Variants in PHF24 observed in about 807,000 individuals in gnomAD.
PHF24 encodes the protein Galpha inhibitory interacting protein.
In PHF24, 25 loss-of-function variants were observed where a neutral mutation model predicts 42.6. The ratio of observed to expected loss-of-function variants is 0.59; its 90% CI spans 0.43 to 0.82. PHF24 has a LOEUF of 0.82. PHF24 is among the 40% of genes least tolerant of loss of function. PHF24 has a pLI of 0.00. For synonymous variants in PHF24, 185 were observed against 204.8 expected, an observed-to-expected ratio of 0.90 and a Z score of 0.83; for missense variants, 470 against 538.1, an observed-to-expected ratio of 0.87 and a Z score of 1.25.
chr9:34,922,133 T>G, the PHF24 span: 1 of 1,453,396 alleles, frequency 6.9e-7, no homozygotes, highest in Non-Finnish European at 9.5e-7. Context: ...GGATGACAAA[T>G]GGTCTACTGT....
chr9:34,745,003 C>A, the PHF24 span, among the ~76,000 whole-genome samples: 1 of 152,148 alleles, frequency 6.6e-6, no homozygotes, highest in Non-Finnish European at 1.5e-5. Flanking sequence ...TCAGAAGAGA[C>A]AATATCATTT....
chr9:34,691,005 G>T, the PHF24 span: 2 of 1,209,676 alleles, frequency 1.7e-6, no homozygotes, highest in Non-Finnish European at 1.2e-6. Context: ...TGTCCCTTAC[G>T]TCCAGTGCCA....
At chr9:34,931,690 C>A in the PHF24 span, among the ~76,000 whole-genome samples, 1 of 152,286 alleles carries the variant, frequency 6.6e-6, no homozygotes, top group African/African-American at 2.4e-5. Context: ...TTACTAAAAG[C>A]TCCCTGAGGC....
the PHF24 span, among the ~76,000 whole-genome samples, chr9:34,941,602 C>T: frequency 1.3e-5 from 2 of 152,206 alleles, no homozygotes; most frequent in African/African-American, 2.4e-5. Flanking sequence ...TTATAAACAA[C>T]AGAAATTTAT....
the PHF24 span, among the ~76,000 whole-genome samples, chr9:34,784,663 C>T: frequency 6.6e-6 from 1 of 152,150 alleles, no homozygotes; most frequent in Non-Finnish European, 1.5e-5. Flanking sequence ...TTTTGTGCTC[C>T]AGATCTTTAA....
chr9:34,897,822 C>A, the PHF24 span, among the ~76,000 whole-genome samples: 1 of 152,136 alleles, frequency 6.6e-6, no homozygotes, highest in Non-Finnish European at 1.5e-5. Context: ...TATCCCTCAC[C>A]TCCTCCCACT....
the PHF24 span, among the ~76,000 whole-genome samples, chr9:34,810,875 G>C: frequency 2.0e-5 from 3 of 152,136 alleles, no homozygotes; most frequent in Non-Finnish European, 2.9e-5. Flanking sequence ...GGCCCCAAGC[G>C]GGGGACGAGG....
the PHF24 span, among the ~76,000 whole-genome samples, chr9:34,676,292 G>A: frequency 6.6e-6 from 1 of 152,242 alleles, no homozygotes; most frequent in Non-Finnish European, 1.5e-5. Context: ...GGAAGGCCAA[G>A]GCAGGTGGAT....
chr9:34,778,301 TTAAA>T, the PHF24 span, among the ~76,000 whole-genome samples: 1 of 152,112 alleles, frequency 6.6e-6, no homozygotes, highest in African/African-American at 2.4e-5. Context: ...AGTAAATAGA[TTAAA>T]TAATTCAATC....
the PHF24 span, among the ~76,000 whole-genome samples, chr9:34,699,900 C>T: frequency 6.6e-6 from 1 of 152,058 alleles, no homozygotes; most frequent in Non-Finnish European, 1.5e-5. Flanking sequence ...GCAATAAGTG[C>T]TATGAAGAAA....
chr9:34,741,451 C>T, the PHF24 span, among the ~76,000 whole-genome samples: 2 of 152,086 alleles, frequency 1.3e-5, no homozygotes. Flanking sequence ...CAACCTCCAC[C>T]TCCCAGGTTC....
chr9:34,733,506 T>G, the PHF24 span, among the ~76,000 whole-genome samples: 5 of 151,204 alleles, frequency 3.3e-5, no homozygotes, highest in Non-Finnish European at 5.9e-5. Context: ...TGTGGGTCTT[T>G]TTTTTTTTTT....
the PHF24 span, chr9:34,708,979 G>GGTC: frequency 9.9e-6 from 2 of 202,458 alleles, no homozygotes; most frequent in Non-Finnish European, 9.8e-6. Flanking sequence ...GCATCTCGGT[G>GGTC]GACATAAACA....
chr9:34,832,487 G>A, the PHF24 span: 4 of 1,511,434 alleles, frequency 2.6e-6, no homozygotes, highest in Non-Finnish European at 3.5e-6. Context: ...GGGCCTTGGA[G>A]CACCCTGTCG....
the PHF24 span, chr9:34,833,083 T>C: frequency 1.3e-6 from 2 of 1,542,166 alleles, no homozygotes; most frequent in Non-Finnish European, 1.8e-6. Context: ...GTCTCTCTTC[T>C]CTGGTTGAGG....
the PHF24 span, among the ~76,000 whole-genome samples, chr9:34,676,052 G>C: frequency 6.6e-6 from 1 of 152,166 alleles, no homozygotes; most frequent in Non-Finnish European, 1.5e-5. Context: ...TATGTGTGTG[G>C]GAGGTGGAGT....
chr9:34,832,969 G>A, the PHF24 span: 7 of 1,551,618 alleles, frequency 4.5e-6, no homozygotes, highest in Non-Finnish European at 5.2e-6. Context: ...GCTGGGGGCT[G>A]TGTTGACAGG....
At chr9:34,724,611 G>T in the PHF24 span, 1 of 1,526,542 alleles carries the variant, frequency 6.6e-7, no homozygotes, top group Non-Finnish European at 8.9e-7. Context: ...GGGCTAGTAG[G>T]ATGCGTCTGG....
the PHF24 span, among the ~76,000 whole-genome samples, chr9:34,675,306 G>A: frequency 3.9e-5 from 6 of 152,306 alleles, no homozygotes; most frequent in Admixed American, 2.0e-4. Context: ...TAGCATACGG[G>A]GAAAATGGAG....
Sources: gnomAD v4.1 joint callset for allele counts (sites outside exome capture counted in the v4.1 genomes callset) on GRCh38, gnomAD v4.1.1 for gene constraint, MANE v1.5 for transcripts, NCBI Gene and HGNC (gene_info 2026-07-23, HGNC 2026-07-21) for gene names.